RND1: variants seen among roughly 807,000 people sequenced by gnomAD.
The protein encoded by RND1 is Rho family GTPase 1.
RND1 carries 9 observed loss-of-function variants against 27.1 expected under a neutral mutation model. That is an observed-to-expected ratio of 0.33 (90% CI 0.20 to 0.58). RND1 has a LOEUF of 0.58. Ranked by LOEUF, RND1 falls within the 20% of genes least tolerant of loss-of-function variation. The pLI is 0.86. For synonymous variants in RND1, 108 were observed against 115.7 expected, an observed-to-expected ratio of 0.93 and a Z score of 0.43; for missense variants, 253 against 292.2, an observed-to-expected ratio of 0.87 and a Z score of 0.98.
Position 48,858,135 on chromosome 12 carries a change from C to CA in RND1, c.559dup (p.Cys187LeufsTer6). The CA allele has an allele frequency of 6.2e-7, 1 of 1,614,220 alleles. No homozygotes were observed. Among genetic ancestry groups the CA allele is most frequent in the East Asian group, 2.2e-5 (1 of 44,888 alleles). On this transcript the variant is annotated frameshift_variant, in exon 5 of 5. Transcript: ENST00000309739. LOFTEE classifies it high-confidence loss of function. ...GGGCAGTGGGCTAGGCTTGTTCAGA[C>CA]ACAGCATGGATGCCGTCCGAAAGAT... is the stretch of plus-strand genomic sequence containing the variant.
At chr12:48,862,251 G>T (rs566395851) in intron 2 of RND1, 133 bp from the exon 3 acceptor site, 2 of 594,580 alleles carry the variant, frequency 3.4e-6, no homozygotes, top group South Asian at 2.2e-5. Flanking sequence ...AATGTACTGC[G>T]GCTGGAAGCT....
At chr12:48,863,009 G>C (rs3782360) in intron 2 of RND1, among the ~76,000 whole-genome samples, 1 of 151,634 alleles carries the variant, frequency 6.6e-6, no homozygotes, top group African/African-American at 2.4e-5. Context: ...GAATACAGGG[G>C]AGTTGGGATA....
chr12:48,864,244 G>A (rs1185157952), intron 2 of RND1, among the ~76,000 whole-genome samples: 1 of 152,150 alleles, frequency 6.6e-6, no homozygotes, highest in Non-Finnish European at 1.5e-5. Context: ...GGACAGCAGT[G>A]GCCCAAGATG....
chr12:48,862,051 A>C lies in RND1; in HGVS notation c.276T>G (p.Phe92Leu). ...CCACTGTCTCTGGACGGCTGATGTC[A>C]AAACATAGTAATACTGCATCCGAGT... ...YSDSDAVLLC[F>L]DISRPETVDS... The change falls in exon 3 of 5, where the codon TTT becomes TTG. Residue 92 changes from phenylalanine to leucine, a missense_variant. Physicochemically the swap from Phe to Leu is conservative, Grantham distance 22. Transcript: ENST00000309739. 6.2e-7 allele frequency: 1 copy of C among 1,613,522 alleles called. No individual in the cohort carries two copies. The highest frequency in any genetic ancestry group is 8.5e-7 in the Non-Finnish European group (1 of 1,179,404).
rs1344692612 is a variant in RND1, at chr12:48,858,486, T to C, written c.454-245A>G. 9.2e-6 allele frequency: 4 copies of C among 436,002 alleles called. No individual in the cohort carries two copies. In the Admixed American group the frequency reaches 1.2e-4, roughly 14 times the overall value. The allele number at this position is 436,002 out of a possible 1,614,324, so 27.0% of individuals were successfully genotyped here. A position where few individuals can be genotyped will look rare whatever the true frequency, so the allele number is the denominator to read the frequency against. On this transcript the variant is annotated intron_variant, in intron 4 of 4. Coordinates refer to ENST00000309739, the MANE Select transcript of RND1 (RefSeq NM_014470.4). The stretch of plus-strand genomic sequence containing the variant: ...ACATTATAAATCATCTGGAATACTC[T>C]TAAAACTATATTGATGCCAAACTAA...
rs757456160 is a variant in RND1 at position 48,865,675 on chromosome 12, T to A, written c.93A>T (p.Gln31His). 6.2e-7 allele frequency: 1 copy of A among 1,614,098 alleles called. No individual in the cohort carries two copies. The highest frequency in any genetic ancestry group is 8.5e-7 in the Non-Finnish European group (1 of 1,179,984). The stretch of plus-strand genomic sequence containing the variant: ...CTGGATAGCAATCCTTCGCTAACAC[T>A]TGCAACATCGCGGTCTTCCCACACT... ...DVQCGKTAMLQVLAKDCYPET... is the reference protein window; with the variant it reads ...DVQCGKTAMLHVLAKDCYPET... The change falls in exon 1 of 5, where the codon CAA becomes CAT. Residue 31 changes from glutamine (Q) to histidine (H), a missense_variant. Coordinates refer to ENST00000309739, the MANE Select transcript of RND1 (RefSeq NM_014470.4).
chr12:48,864,314 G>A (rs1432818267), intron 2 of RND1, among the ~76,000 whole-genome samples: 2 of 151,950 alleles, frequency 1.3e-5, no homozygotes, highest in South Asian at 4.1e-4. Context: ...TTGTCTCTCC[G>A]CCCCAACCAC....
At chr12:48,864,124 T>G (rs1341070780) in intron 2 of RND1, among the ~76,000 whole-genome samples, 1 of 152,102 alleles carries the variant, frequency 6.6e-6, no homozygotes, top group Admixed American at 6.6e-5. Flanking sequence ...TATTCACAAC[T>G]GACTATGCCC....
intron 4 of RND1, 146 bp from the exon 5 acceptor site, chr12:48,858,387 T>TTA: frequency 2.3e-6 from 2 of 862,314 alleles, no homozygotes; most frequent in Non-Finnish European, 3.3e-6. Context: ...CGATTATCTT[T>TTA]TCTTTTTTTT....
rs1190125130 is a variant in RND1 at position 48,857,529 on chromosome 12, A to G, written c.*467T>C. On this transcript the variant is annotated 3_prime_UTR_variant, in exon 5 of 5. Transcript: ENST00000309739. ...TTGCAGTTACGAAGCACCTGGGCTA[A>G]GCCCCCAAGGGAGCTGCCGCTCCAC... The G allele has an allele frequency of 6.4e-6, 1 of 155,350 alleles. No individual in the cohort carries two copies. Among genetic ancestry groups the G allele is most frequent in the African/African-American group, 2.4e-5 (1 of 41,500 alleles). The allele number at this position is 155,350 out of a possible 1,614,324, so 9.6% of individuals were successfully genotyped here.
At position 48,857,858 on chromosome 12, in the gene RND1, T is replaced by G; in HGVS notation, c.*138A>C. On this transcript the variant is annotated 3_prime_UTR_variant, in exon 5 of 5. Coordinates refer to ENST00000309739, the MANE Select transcript of RND1 (RefSeq NM_014470.4). The stretch of plus-strand genomic sequence containing the variant: ...CCTGGCTCCTTCCTCGCCCCATTCC[T>G]GTCTCCTTCCAAGCCCTCACCGTGG... 1 of 1,036,236 alleles carries G rather than the reference T, an allele frequency of 9.7e-7. No individual in the cohort carries two copies. Among genetic ancestry groups the G allele is most frequent in the East Asian group, 2.7e-5 (1 of 37,148 alleles). 64.2% of individuals were successfully genotyped at this position (1,036,236 alleles called of 1,614,324 possible). A position where few individuals can be genotyped will look rare whatever the true frequency, so the allele number is the denominator to read the frequency against.
Position 48,857,255 on chromosome 12 carries a change from T to C in RND1, c.*741A>G, listed in dbSNP as rs1293330533. The C allele has an allele frequency of 1.5e-5, 1 of 68,886 alleles. No individual in the cohort carries two copies. Among genetic ancestry groups the C allele is most frequent in the Non-Finnish European group, 2.6e-5 (1 of 38,702 alleles). 4.3% of individuals were successfully genotyped at this position (68,886 alleles called of 1,614,324 possible). A position where few individuals can be genotyped will look rare whatever the true frequency, so the allele number is the denominator to read the frequency against. The stretch of plus-strand genomic sequence containing the variant: ...CTCCCCCCAATTCCAAAGACAAGAG[T>C]CTATAAAACAAATGCCAGCTGTACT... On this transcript the variant is annotated 3_prime_UTR_variant, in exon 5 of 5. Coordinates refer to ENST00000309739, the MANE Select transcript of RND1 (RefSeq NM_014470.4).
At chr12:48,864,384 G>GGTGTGTGT (rs539837491) in intron 2 of RND1, among the ~76,000 whole-genome samples, 1,472 of 141,754 alleles carry the variant, frequency 0.01, 26 homozygotes, top group African/African-American at 0.029. Flanking sequence ...GGAAGTAAAA[G>GGTGTGTGT]GTGTGTGTGT....
intron 2 of RND1, chr12:48,862,332 G>T: frequency 2.0e-6 from 1 of 487,964 alleles, no homozygotes. Flanking sequence ...AGGGAAAGAA[G>T]ACAAAATAAA....
chr12:48,865,275 A>G (rs1420276633), intron 1 of RND1: 2 of 388,350 alleles, frequency 5.1e-6, no homozygotes, highest in African/African-American at 2.1e-5. Context: ...AGGCACAGGC[A>G]TAGAGCCTTT....
chr12:48,859,741 T>C (rs1279281498), intron 4 of RND1, among the ~76,000 whole-genome samples: 1 of 151,980 alleles, frequency 6.6e-6, no homozygotes, highest in Non-Finnish European at 1.5e-5. Flanking sequence ...GTTAAAAGAT[T>C]AGCTAGGCGT....
Position 48,865,728 on chromosome 12 carries a change from A to C in RND1, c.40T>G (p.Cys14Gly). The change falls in exon 1 of 5, where the codon TGT (cysteine) becomes GGT (glycine). Residue 14 changes from cysteine (C) to glycine (G), a missense_variant. Transcript: ENST00000309739. ...RRAPQPVVAR[C>G]KLVLVGDVQC... is the part of the protein sequence containing the mutation. Reference sequence around the variant, plus strand: ...ACGTCCCCGACCAGAACGAGCTTACATCTGGCCACGACTGGCTGGGGGGCC... The same window carrying C: ...ACGTCCCCGACCAGAACGAGCTTACCTCTGGCCACGACTGGCTGGGGGGCC... The C allele has an allele frequency of 6.2e-7, 1 of 1,613,014 alleles. No homozygotes were observed.
chr12:48,865,547 G>A, intron 1 of RND1, 101 bp downstream of exon 1: 1 of 1,373,130 alleles, frequency 7.3e-7, no homozygotes, highest in South Asian at 1.2e-5. Flanking sequence ...GCTGAGGATG[G>A]GCTGGGGCTG....
Position 48,865,706 on chromosome 12 carries a change from T to C in RND1, c.62A>G (p.Asp21Gly). 1 of 1,613,974 alleles carries C rather than the reference T, an allele frequency of 6.2e-7. No individual in the cohort carries two copies. Reference protein sequence around the residue: ...VARCKLVLVGDVQCGKTAMLQ... With the variant: ...VARCKLVLVGGVQCGKTAMLQ... The stretch of plus-strand genomic sequence containing the variant: ...CATCGCGGTCTTCCCACACTGCACG[T>C]CCCCGACCAGAACGAGCTTACATCT... The change falls in exon 1 of 5, where the codon GAC becomes GGC. Residue 21 changes from aspartate to glycine, a missense_variant. Coordinates refer to ENST00000309739, the MANE Select transcript of RND1 (RefSeq NM_014470.4).
Sources: allele counts gnomAD v4.1 joint callset (sites outside exome capture counted in the v4.1 genomes callset), GRCh38; gene constraint gnomAD v4.1.1; transcripts MANE v1.5; gene names NCBI Gene and HGNC (gene_info 2026-07-23, HGNC 2026-07-21).